FANCL: variants seen among roughly 807,000 people sequenced by gnomAD.
FANCL encodes the protein E3 ubiquitin-protein ligase FANCL.
In FANCL, 69 loss-of-function variants were observed where a neutral mutation model predicts 59.4. The ratio of observed to expected loss-of-function variants is 1.16; its 90% confidence interval spans 0.96 to 1.42. The LOEUF is 1.42. Among genes scored for constraint, FANCL ranks in the 40% most tolerant of loss-of-function variants. The pLI is 0.00. For synonymous variants in FANCL, 180 were observed against 147.1 expected, an observed-to-expected ratio of 1.22 and a Z score of -1.62; for missense variants, 519 against 447.2, an observed-to-expected ratio of 1.16 and a Z score of -1.45.
intron 7 of FANCL, among the ~76,000 whole-genome samples, chr2:58,170,559 A>G (rs1045581291): frequency 3.3e-5 from 5 of 152,330 alleles, no homozygotes; most frequent in Admixed American, 1.3e-4. Flanking sequence ...CCCAATTAAA[A>G]GACACAGACT....
chr2:58,167,381 A>G (rs750557923), intron 7 of FANCL, among the ~76,000 whole-genome samples: 11 of 152,206 alleles, frequency 7.2e-5, no homozygotes, highest in Non-Finnish European at 1.3e-4. Context: ...AGCTAGTTTT[A>G]AAATCAGTAC....
At chr2:58,219,171 A>AAAAAT (rs1558810201) in intron 5 of FANCL, among the ~76,000 whole-genome samples, 3 of 19,258 alleles carry the variant, frequency 1.6e-4, no homozygotes, top group Non-Finnish European at 2.7e-4. Context: ...AAAAAAAAAA[A>AAAAAT]ATATATATAT....
rs1174029388 is a variant in FANCL, at chr2:58,165,867, A to C, written c.548T>G (p.Leu183Ter). Residue 183 changes from leucine to a stop codon, truncating the protein, a stop_gained, in exon 8 of 14, where the codon TTA becomes TGA. Coordinates refer to ENST00000233741, the MANE Select transcript of FANCL (RefSeq NM_018062.4). LOFTEE classifies it high-confidence loss of function. Reference protein sequence around the residue: ...FCASWTPQSSLISIYSQFLAA... With the variant: ...FCASWTPQSS ...CAAAAACTGACTATAAATGCTTATT[A>C]AGGAGCTCTGTGAAAAAAATGAAAG... The C allele has an allele frequency of 6.2e-7, 1 of 1,614,008 alleles. No individual in the cohort carries two copies. The highest frequency in any genetic ancestry group is 1.1e-5 in the South Asian group (1 of 91,076).
chr2:58,193,586 C>G (rs891983272), intron 7 of FANCL, among the ~76,000 whole-genome samples: 1 of 152,060 alleles, frequency 6.6e-6, no homozygotes, highest in African/African-American at 2.4e-5. Context: ...AGCCATACCA[C>G]TGTGGCAACA....
chr2:58,228,704 A>G (rs1693274782), intron 3 of FANCL, among the ~76,000 whole-genome samples: 1 of 152,218 alleles, frequency 6.6e-6, no homozygotes, highest in South Asian at 2.1e-4. Context: ...ATACAAGAAA[A>G]GAATAGTAAT....
chr2:58,165,510 GATC>G (rs1406725437), intron 8 of FANCL, among the ~76,000 whole-genome samples: 1 of 151,912 alleles, frequency 6.6e-6, no homozygotes, highest in Admixed American at 6.6e-5. Context: ...ACCTCCATTG[GATC>G]ATCACCTTTT....
At chr2:58,175,797 A>T (rs1040244778) in intron 7 of FANCL, among the ~76,000 whole-genome samples, 2 of 152,046 alleles carry the variant, frequency 1.3e-5, no homozygotes, top group African/African-American at 4.8e-5. Context: ...ATTAGGCAGG[A>T]GAAGGAAATA....
intron 7 of FANCL, among the ~76,000 whole-genome samples, chr2:58,178,062 G>T (rs1350313550): frequency 1.3e-5 from 2 of 152,086 alleles, no homozygotes; most frequent in Non-Finnish European, 2.9e-5. Flanking sequence ...TCCCGAAATA[G>T]ATCGATAACA....
chr2:58,174,194 A>C (rs969661785), intron 7 of FANCL, among the ~76,000 whole-genome samples: 1 of 152,134 alleles, frequency 6.6e-6, no homozygotes. Context: ...TAATGGGAGA[A>C]TTTAACACCC....
intron 8 of FANCL, among the ~76,000 whole-genome samples, chr2:58,164,894 G>A (rs188804548): frequency 3.1e-4 from 47 of 152,070 alleles, no homozygotes; most frequent in South Asian, 8.3e-4. Flanking sequence ...GTAATACCAC[G>A]TATGTGACAT....
intron 8 of FANCL, among the ~76,000 whole-genome samples, chr2:58,163,804 T>A (rs1402542148): frequency 1.3e-5 from 2 of 152,014 alleles, no homozygotes; most frequent in East Asian, 3.8e-4. Context: ...AAAAATGTTC[T>A]GTGGAGTGAT....
chr2:58,204,723 C>G (rs1019647251), intron 5 of FANCL, among the ~76,000 whole-genome samples: 8 of 152,024 alleles, frequency 5.3e-5, no homozygotes, highest in Non-Finnish European at 1.0e-4. Context: ...AATTGATCCT[C>G]TAAGGAAAAT....
intron 1 of FANCL, among the ~76,000 whole-genome samples, chr2:58,236,982 A>G (rs776063926): frequency 6.6e-6 from 1 of 152,174 alleles, no homozygotes; most frequent in Non-Finnish European, 1.5e-5. Flanking sequence ...GATAGAAATT[A>G]AATAGAAATT....
At chr2:58,213,655 T>C (rs867804718) in intron 5 of FANCL, 2 of 151,566 alleles carry the variant, frequency 1.3e-5, no homozygotes, top group East Asian at 3.9e-4. Context: ...AGGAGAATCA[T>C]TTCAGCCCAG....
chr2:58,173,895 T>C (rs1366978733), intron 7 of FANCL, among the ~76,000 whole-genome samples: 2 of 151,866 alleles, frequency 1.3e-5, no homozygotes, highest in Non-Finnish European at 1.5e-5. Flanking sequence ...GAAACAAATC[T>C]CACAAGCAGA....
intron 1 of FANCL, among the ~76,000 whole-genome samples, chr2:58,237,938 G>A (rs1470262505): frequency 6.6e-6 from 1 of 152,202 alleles, no homozygotes; most frequent in Non-Finnish European, 1.5e-5. Flanking sequence ...TAGCTGCCAT[G>A]TGTGATAACA....
chr2:58,201,618 G>T (rs1396710952), intron 6 of FANCL, among the ~76,000 whole-genome samples: 2 of 151,998 alleles, frequency 1.3e-5, no homozygotes, highest in South Asian at 2.1e-4. Context: ...GACCAAAGCT[G>T]AGGAAGCCCT....
At chr2:58,229,896 A>G (rs986884288) in intron 2 of FANCL, 22 bp from the exon 3 acceptor site, 2 of 1,552,414 alleles carry the variant, frequency 1.3e-6, no homozygotes, top group African/African-American at 2.7e-5. Context: ...ATGAGACAAA[A>G]TGGTTTATTC....
At chr2:58,241,342 G>C (rs760536836), upstream of FANCL, 11 of 1,608,182 alleles carry the variant, frequency 6.8e-6, no homozygotes, top group Admixed American at 6.7e-5. Context: ...ACACAGAAAA[G>C]CTCTAGACCT....
Sources: allele counts gnomAD v4.1 joint callset (sites outside exome capture counted in the v4.1 genomes callset), GRCh38; gene constraint gnomAD v4.1.1; transcripts MANE v1.5; gene names NCBI Gene and HGNC (gene_info 2026-07-23, HGNC 2026-07-21).